GLRA1: variants seen among roughly 807,000 people sequenced by gnomAD.
GLRA1 encodes the protein glycine receptor alpha 1, also known as glycine receptor subunit alpha-1.
GLRA1 carries 37 observed loss-of-function variants against 48.3 expected under a neutral mutation model. That is an observed-to-expected ratio of 0.77 (90% CI 0.59 to 1.01). GLRA1 has a LOEUF of 1.01. GLRA1 is among the 50% of genes least tolerant of loss of function. The probability of loss-of-function intolerance (pLI) is 0.00; values close to 1 mark genes in which losing one functional copy is unlikely to be tolerated. For synonymous variants in GLRA1, 196 were observed against 210.7 expected (o/e 0.93, Z 0.60); for missense variants, 427 against 571.0 (o/e 0.75, Z 2.57).
chr5:151,896,621 A>G (rs906931024), intron 1 of GLRA1, among the ~76,000 whole-genome samples: 6 of 152,156 alleles, frequency 3.9e-5, no homozygotes, highest in Admixed American at 1.3e-4. Flanking sequence ...CATATTTTGA[A>G]AATCTCTAGT....
chr5:151,853,268 A>G (rs1045016751), intron 6 of GLRA1, among the ~76,000 whole-genome samples: 3 of 151,910 alleles, frequency 2.0e-5, no homozygotes, highest in African/African-American at 7.3e-5. Flanking sequence ...CTTTTTTGAG[A>G]TAGAGTCTTG....
intron 7 of GLRA1, among the ~76,000 whole-genome samples, chr5:151,839,247 G>A (rs573762829): frequency 7.9e-5 from 12 of 152,320 alleles, no homozygotes; most frequent in East Asian, 3.9e-4. Context: ...ACTAAAGGAC[G>A]CCCTTTAGGC....
At chr5:151,826,911 G>T (rs755063404) in intron 8 of GLRA1, among the ~76,000 whole-genome samples, 13 of 152,066 alleles carry the variant, frequency 8.5e-5, no homozygotes, top group Non-Finnish European at 1.6e-4. Flanking sequence ...TTTCAAATCA[G>T]TGTTTTTAAC....
intron 8 of GLRA1, among the ~76,000 whole-genome samples, chr5:151,827,695 T>G (rs1763312619): frequency 6.6e-6 from 1 of 152,142 alleles, no homozygotes; most frequent in Non-Finnish European, 1.5e-5. Flanking sequence ...CTTTACTGAT[T>G]AATAGACAAC....
intron 7 of GLRA1, among the ~76,000 whole-genome samples, chr5:151,835,631 C>T (rs1385162011): frequency 6.6e-6 from 1 of 152,202 alleles, no homozygotes; most frequent in Non-Finnish European, 1.5e-5. Flanking sequence ...TCAGCTTCAT[C>T]CCTGGGATGC....
rs1754250292 is a variant in GLRA1, at chr5:151,897,389, C to G, written c.57-4951G>C. Among the ~76,000 whole-genome samples the G allele has an allele frequency of 2.0e-5, 3 of 152,134 alleles. No individual in the cohort carries two copies. In the South Asian group the frequency reaches 6.2e-4, roughly 32 times the overall value. The stretch of plus-strand genomic sequence containing the variant: ...CTGGACAGAGGAGCTGGGAATGAAT[C>G]TGAGAAATGAAACACTCAATTGTTA... On this transcript the variant is annotated intron_variant, in intron 1 of 8. Transcript: ENST00000274576.
intron 1 of GLRA1, among the ~76,000 whole-genome samples, chr5:151,917,151 C>G (rs928607033): frequency 7.9e-5 from 12 of 152,310 alleles, no homozygotes; most frequent in African/African-American, 2.2e-4. Context: ...CAGGCGTTCT[C>G]AGTCAGAATG....
intron 1 of GLRA1, among the ~76,000 whole-genome samples, chr5:151,901,179 G>A (rs1280231846): frequency 2.0e-5 from 3 of 152,210 alleles, no homozygotes. Context: ...TCAAACCTAT[G>A]TTTGCGCATA....
chr5:151,839,537 T>C lies in GLRA1; in HGVS notation c.913-10470A>G, dbSNP rs1763661798. Among the ~76,000 whole-genome samples the C allele has an allele frequency of 2.0e-5, 3 of 152,212 alleles. No homozygotes were observed. The South Asian group carries it at 6.2e-4, about 32-fold the overall frequency. On this transcript the variant is annotated intron_variant, in intron 7 of 8. Transcript: ENST00000274576. ...AGGAGCAAAGTTTTTTGCGTACTGT[T>C]TGTTATGAACTGAATATTTGTGTGC...
rs145185279 is a variant in GLRA1 at position 151,831,179 on chromosome 5, C to T, written c.913-2112G>A. On this transcript the variant is annotated intron_variant, in intron 7 of 8. Coordinates refer to ENST00000274576, the MANE Select transcript of GLRA1 (RefSeq NM_000171.4). ...CAGAAAAGGAGATTCCCTCGGGTGC[C>T]TGTGCCACCAGGGCCCTGGTTTTCA... Among the ~76,000 whole-genome samples, 881 of 152,360 alleles carry T rather than the reference C, an allele frequency of 5.8e-3. 4 individuals carry two copies. The highest frequency in any genetic ancestry group is 0.01 in the Middle Eastern group (3 of 294).
At chr5:151,860,726 G>T (rs1281321618) in intron 3 of GLRA1, among the ~76,000 whole-genome samples, 2 of 151,558 alleles carry the variant, frequency 1.3e-5, no homozygotes, top group African/African-American at 4.9e-5. Context: ...CTAGCTTCTT[G>T]TTTTTTTTTA....
chr5:151,839,965 G>C (rs1763672019), intron 7 of GLRA1, among the ~76,000 whole-genome samples: 1 of 152,016 alleles, frequency 6.6e-6, no homozygotes, highest in South Asian at 2.1e-4. Flanking sequence ...AATTAAGTTA[G>C]TATTAATAAT....
intron 1 of GLRA1, among the ~76,000 whole-genome samples, chr5:151,920,580 T>G (rs1039619018): frequency 5.9e-5 from 9 of 152,148 alleles, no homozygotes; most frequent in African/African-American, 2.2e-4. Context: ...CATTTTCTTT[T>G]CTCTTTTTTA....
intron 7 of GLRA1, among the ~76,000 whole-genome samples, chr5:151,847,671 A>G (rs1482574925): frequency 6.6e-6 from 1 of 151,982 alleles, no homozygotes; most frequent in East Asian, 1.9e-4. Flanking sequence ...GGTTGCAGTG[A>G]GCCGAGATAG....
At chr5:151,833,944 A>G (rs1294463196) in intron 7 of GLRA1, among the ~76,000 whole-genome samples, 2 of 152,200 alleles carry the variant, frequency 1.3e-5, no homozygotes, top group African/African-American at 2.4e-5. Flanking sequence ...TCCTAAATAC[A>G]TATGCACCCC....
rs192892088 is a variant in GLRA1 at position 151,847,418 on chromosome 5, C to T, written c.912+3972G>A. ...GGAGTATATGGTGTCTAGCATTAAC[C>T]GTAAGTGAAACGGAACATTATGTTT... On this transcript the variant is annotated intron_variant, in intron 7 of 8. Coordinates refer to ENST00000274576, the MANE Select transcript of GLRA1 (RefSeq NM_000171.4). Among the ~76,000 whole-genome samples, 7 of 151,214 alleles carry T rather than the reference C, an allele frequency of 4.6e-5. No homozygotes were observed. In the South Asian group the frequency reaches 6.3e-4, roughly 14 times the overall value.
chr5:151,922,336 A>G, intron 1 of GLRA1, among the ~76,000 whole-genome samples: 1 of 152,266 alleles, frequency 6.6e-6, no homozygotes, highest in East Asian at 1.9e-4. Context: ...AGTGACTTAG[A>G]AATGAAAATA....
intron 3 of GLRA1, among the ~76,000 whole-genome samples, chr5:151,864,040 T>C (rs1441582446): frequency 6.6e-6 from 1 of 152,200 alleles, no homozygotes; most frequent in Non-Finnish European, 1.5e-5. Flanking sequence ...CTTTGTCCTG[T>C]TGATGGTAAT....
At chr5:151,887,146 C>A (rs995742767) in intron 2 of GLRA1, among the ~76,000 whole-genome samples, 1 of 152,216 alleles carries the variant, frequency 6.6e-6, no homozygotes, top group African/African-American at 2.4e-5. Flanking sequence ...ATGTCTACAA[C>A]ATTTGGAGGC....
Sources: allele counts gnomAD v4.1 joint callset (sites outside exome capture counted in the v4.1 genomes callset), GRCh38; gene constraint gnomAD v4.1.1; transcripts MANE v1.5; gene names NCBI Gene and HGNC (gene_info 2026-07-23, HGNC 2026-07-21).